DGKB: variants seen among roughly 807,000 people sequenced by gnomAD.
DGKB encodes 90 kDa diacylglycerol kinase.
In DGKB, 67 loss-of-function variants were observed where a neutral mutation model predicts 114.3. The observed-to-expected ratio is 0.59, with a 90% CI of 0.48 to 0.72. The LOEUF (loss-of-function observed/expected upper bound fraction) is 0.72. Ranked by LOEUF, DGKB falls within the 30% of genes least tolerant of loss-of-function variation. DGKB has a pLI of 0.00. For missense variants in DGKB, 907 were observed against 975.2 expected, an observed-to-expected ratio of 0.93 and a Z score of 0.93; for synonymous variants, 398 against 323.1, an observed-to-expected ratio of 1.23 and a Z score of -2.49.
At chr7:14,250,722 T>TG (rs1389893864) in intron 23 of DGKB, among the ~76,000 whole-genome samples, 6 of 152,194 alleles carry the variant, frequency 3.9e-5, no homozygotes, top group Admixed American at 6.5e-5. Flanking sequence ...GTGAAGATAA[T>TG]GGGGTATTGA....
At chr7:14,476,755 A>AT (rs11386744) in intron 21 of DGKB, among the ~76,000 whole-genome samples, 4,421 of 135,338 alleles carry the variant, frequency 0.033, 201 homozygotes, top group African/African-American at 0.1. Context: ...TACTAAAAAC[A>AT]TTTTTTTTTT....
At chr7:14,579,987 G>C (rs1799689534) in intron 19 of DGKB, among the ~76,000 whole-genome samples, 1 of 152,162 alleles carries the variant, frequency 6.6e-6, no homozygotes, top group Non-Finnish European at 1.5e-5. Context: ...CTTTACCAAA[G>C]TCTGATGGTG....
chr7:14,511,651 C>T (rs375828715), intron 20 of DGKB, among the ~76,000 whole-genome samples: 27 of 152,298 alleles, frequency 1.8e-4, no homozygotes, highest in African/African-American at 6.3e-4. Flanking sequence ...ACTTGAATAA[C>T]TGTTTGGCTC....
At chr7:14,738,139 G>C (rs1832024151) in intron 4 of DGKB, among the ~76,000 whole-genome samples, 1 of 152,244 alleles carries the variant, frequency 6.6e-6, no homozygotes, top group Non-Finnish European at 1.5e-5. Context: ...GCTCCTTAGA[G>C]ATGACCTATT....
intron 23 of DGKB, among the ~76,000 whole-genome samples, chr7:14,319,441 A>G (rs965815997): frequency 1.8e-4 from 28 of 152,168 alleles, no homozygotes; most frequent in African/African-American, 6.5e-4. Context: ...TTATTTAAAA[A>G]TATATTTATA....
chr7:14,170,376 A>G (rs1171522842), intron 25 of DGKB, among the ~76,000 whole-genome samples: 1 of 152,126 alleles, frequency 6.6e-6, no homozygotes, highest in Non-Finnish European at 1.5e-5. Flanking sequence ...TAATAACTTT[A>G]CTGACATCTT....
chr7:14,935,128 C>T (rs1226859450), intron 1 of DGKB, among the ~76,000 whole-genome samples: 2 of 152,138 alleles, frequency 1.3e-5, no homozygotes, highest in Non-Finnish European at 1.5e-5. Context: ...CTAATGAGAC[C>T]GCAAATGGTT....
intron 2 of DGKB, among the ~76,000 whole-genome samples, chr7:14,790,206 T>C (rs867945096): frequency 6.6e-6 from 1 of 152,238 alleles, no homozygotes; most frequent in Non-Finnish European, 1.5e-5. Flanking sequence ...CTGTGATTTA[T>C]ATGTGTTTTC....
chr7:14,888,673 C>T (rs1387508646), intron 1 of DGKB, among the ~76,000 whole-genome samples: 1 of 151,704 alleles, frequency 6.6e-6, no homozygotes, highest in African/African-American at 2.4e-5. Flanking sequence ...TTTGTTAATT[C>T]TTCAAAGTTT....
intron 21 of DGKB, among the ~76,000 whole-genome samples, chr7:14,413,176 A>T (rs1234361782): frequency 6.6e-6 from 1 of 152,064 alleles, no homozygotes; most frequent in African/African-American, 2.4e-5. Flanking sequence ...GAAAATAATA[A>T]TATCAACCAC....
chr7:14,457,326 T>A (rs1200346277), intron 21 of DGKB, among the ~76,000 whole-genome samples: 1 of 152,174 alleles, frequency 6.6e-6, no homozygotes, highest in Non-Finnish European at 1.5e-5. Context: ...AAAACTGGTT[T>A]CCTTATTTTC....
intron 21 of DGKB, among the ~76,000 whole-genome samples, chr7:14,364,414 G>T (rs28565955): frequency 4.7e-5 from 7 of 150,362 alleles, no homozygotes; most frequent in African/African-American, 1.7e-4. Context: ...AAAGAAAGAA[G>T]GAAGAAAGGA....
chr7:14,439,248 A>G (rs1255137794), intron 21 of DGKB, among the ~76,000 whole-genome samples: 16 of 152,286 alleles, frequency 1.1e-4, no homozygotes, highest in Admixed American at 7.9e-4. Flanking sequence ...TTCAGTAGAG[A>G]AGAAAATGTA....
chr7:14,909,976 G>A (rs1783898660), intron 1 of DGKB, among the ~76,000 whole-genome samples: 1 of 152,050 alleles, frequency 6.6e-6, no homozygotes, highest in Non-Finnish European at 1.5e-5. Flanking sequence ...AGAGGCCGAG[G>A]TGGGTGGATC....
intron 23 of DGKB, among the ~76,000 whole-genome samples, chr7:14,245,837 A>G (rs139629606): frequency 0.049 from 7,388 of 152,230 alleles, 257 homozygotes; most frequent in East Asian, 0.18. Context: ...TTGAGGCAGG[A>G]GAATTGCTTG....
At chr7:14,609,941 G>A (rs1805217436) in intron 16 of DGKB, among the ~76,000 whole-genome samples, 1 of 152,078 alleles carries the variant, frequency 6.6e-6, no homozygotes, top group Non-Finnish European at 1.5e-5. Context: ...AATTAGTTCA[G>A]CCATTGTAGA....
At chr7:14,465,205 C>T (rs1276256146) in intron 21 of DGKB, among the ~76,000 whole-genome samples, 1 of 151,980 alleles carries the variant, frequency 6.6e-6, no homozygotes, top group Non-Finnish European at 1.5e-5. Context: ...TTTGTCTTCC[C>T]TGTAGGCCCA....
intron 21 of DGKB, among the ~76,000 whole-genome samples, chr7:14,465,637 G>A (rs956507500): frequency 3.9e-5 from 6 of 152,102 alleles, no homozygotes; most frequent in African/African-American, 1.4e-4. Context: ...TCATTACACT[G>A]ATTAGAAAAT....
chr7:14,192,986 C>T (rs1784516328), intron 23 of DGKB, among the ~76,000 whole-genome samples: 1 of 151,998 alleles, frequency 6.6e-6, no homozygotes, highest in African/African-American at 2.4e-5. Context: ...GAATCTAATG[C>T]AGATGCTGAT....
Sources: allele counts gnomAD v4.1 joint callset (sites outside exome capture counted in the v4.1 genomes callset), GRCh38; gene constraint gnomAD v4.1.1; transcripts MANE v1.5; gene names NCBI Gene and HGNC (gene_info 2026-07-23, HGNC 2026-07-21).